Variants in ZFHX3 observed in about 807,000 individuals in gnomAD.
ZFHX3 encodes the protein zinc finger homeobox 3.
ZFHX3 carries 42 observed loss-of-function variants against 279.1 expected under a neutral mutation model. The observed-to-expected ratio is 0.15, with a 90% CI of 0.12 to 0.19. The LOEUF (loss-of-function observed/expected upper bound fraction) is 0.19, where lower values mean the gene tolerates loss of function less well. ZFHX3 is among the 10% of genes least tolerant of loss of function. ZFHX3 has a pLI of 1.00. For synonymous variants in ZFHX3, 2,293 were observed against 1,957.8 expected (o/e 1.17, Z -4.52); for missense variants, 4,981 against 4,754.0 (o/e 1.05, Z -1.40).
intron 1 of ZFHX3, among the ~76,000 whole-genome samples, chr16:73,687,867 A>T (rs908701585): frequency 6.6e-6 from 1 of 151,120 alleles, no homozygotes; most frequent in Non-Finnish European, 1.5e-5. Context: ...AAAAAAAAAA[A>T]AACAGATTTA....
rs116791584 is a variant in ZFHX3, at chr16:72,860,292, G to A, written c.3448+29439C>T. Among the ~76,000 whole-genome samples, 316 of 152,200 alleles carry A rather than the reference G, an allele frequency of 2.1e-3. 2 individuals carry two copies. The highest frequency in any genetic ancestry group is 7.3e-3 in the African/African-American group (302 of 41,524). ...CTGTTCCATCAGGCCTCGGTGGAAC[G>A]GCTCTGTTTTCCCCCAGGAAGCTCC... is the stretch of plus-strand genomic sequence containing the variant. On this transcript the variant is annotated intron_variant, in intron 4 of 9. Coordinates refer to ENST00000268489, the MANE Select transcript of ZFHX3 (RefSeq NM_006885.4).
intron 3 of ZFHX3, among the ~76,000 whole-genome samples, chr16:72,911,866 A>G (rs1191674852): frequency 6.6e-6 from 1 of 152,172 alleles, no homozygotes; most frequent in Non-Finnish European, 1.5e-5. Context: ...TAGAAAGCAG[A>G]GGGCAGGGGG....
intron 2 of ZFHX3, among the ~76,000 whole-genome samples, chr16:73,467,577 C>A (rs2143594734): frequency 6.6e-6 from 1 of 152,258 alleles, no homozygotes; most frequent in South Asian, 2.1e-4. Context: ...AACAGATGGG[C>A]AGATTGTGAT....
intron 4 of ZFHX3, among the ~76,000 whole-genome samples, chr16:72,873,946 T>C (rs1243786282): frequency 1.6e-4 from 25 of 152,174 alleles, no homozygotes; most frequent in Admixed American, 1.5e-3. Flanking sequence ...ATGTTTCTAA[T>C]TGCCTTCGTA....
chr16:73,057,554 G>A (rs1196135127), intron 1 of ZFHX3, among the ~76,000 whole-genome samples: 1 of 149,240 alleles, frequency 6.7e-6, no homozygotes, highest in African/African-American at 2.5e-5. Context: ...AAAAAAAGAA[G>A]AAGAAGAAGA....
chr16:73,451,002 G>A (rs533802364), intron 3 of ZFHX3, among the ~76,000 whole-genome samples: 18 of 152,288 alleles, frequency 1.2e-4, no homozygotes, highest in South Asian at 6.2e-4. Context: ...ATGGGAAGAC[G>A]GATCTTTAAT....
intron 5 of ZFHX3, among the ~76,000 whole-genome samples, chr16:73,214,844 T>A (rs765552174): frequency 7.5e-4 from 22 of 29,380 alleles, no homozygotes; most frequent in Non-Finnish European, 1.6e-3. Flanking sequence ...GCTGAAGGCC[T>A]TTTTTTTTTT....
intron 1 of ZFHX3, among the ~76,000 whole-genome samples, chr16:73,741,177 C>T (rs1001303523): frequency 1.3e-5 from 2 of 151,904 alleles, no homozygotes; most frequent in Non-Finnish European, 2.9e-5. Flanking sequence ...ATTACAGGCG[C>T]CTGCCACGAC....
intron 2 of ZFHX3, among the ~76,000 whole-genome samples, chr16:73,553,436 C>G (rs972150833): frequency 2.6e-5 from 4 of 152,114 alleles, no homozygotes; most frequent in Non-Finnish European, 5.9e-5. Flanking sequence ...CCCCACGACA[C>G]CAATGTGTGA....
intron 3 of ZFHX3, among the ~76,000 whole-genome samples, chr16:72,917,805 C>T (rs1302145404): frequency 6.6e-6 from 1 of 152,088 alleles, no homozygotes; most frequent in Non-Finnish European, 1.5e-5. Flanking sequence ...ATTTTTTTTA[C>T]ATACAATAAA....
chr16:73,388,790 G>A (rs892113251), intron 3 of ZFHX3: 1 of 152,246 alleles, frequency 6.6e-6, no homozygotes, highest in Admixed American at 6.5e-5. Flanking sequence ...TTCAGGACAT[G>A]GTTACATTTA....
intron 3 of ZFHX3, among the ~76,000 whole-genome samples, chr16:73,322,801 AT>A (rs1157296485): frequency 6.6e-6 from 1 of 152,266 alleles, no homozygotes; most frequent in African/African-American, 2.4e-5. Context: ...GCTAAGAAGT[AT>A]AAAAAAGAGT....
intron 1 of ZFHX3, among the ~76,000 whole-genome samples, chr16:73,798,313 T>C (rs1046039536): frequency 6.6e-6 from 1 of 151,804 alleles, no homozygotes; most frequent in South Asian, 2.1e-4. Flanking sequence ...GAAGATATTC[T>C]TGGAGAGATG....
intron 1 of ZFHX3, among the ~76,000 whole-genome samples, chr16:72,984,322 A>T (rs1438451680): frequency 2.6e-5 from 4 of 152,186 alleles, no homozygotes; most frequent in African/African-American, 9.7e-5. Flanking sequence ...TTGTGTTCAC[A>T]AACTTGAAAA....
chr16:72,944,898 C>T (rs1039843797), intron 3 of ZFHX3, among the ~76,000 whole-genome samples: 2 of 151,852 alleles, frequency 1.3e-5, no homozygotes, highest in African/African-American at 4.8e-5. Context: ...AATAAAAGTG[C>T]TATGGTTAAT....
intron 1 of ZFHX3, among the ~76,000 whole-genome samples, chr16:73,789,620 T>G (rs1239220860): frequency 6.6e-6 from 1 of 152,208 alleles, no homozygotes; most frequent in Non-Finnish European, 1.5e-5. Context: ...ATTACAGATA[T>G]GTCAAAATCA....
Position 72,793,629 on chromosome 16 carries a change from CTCG to C in ZFHX3, c.9050_9052del (p.Thr3017del). ...GCACTCTGTTTTGGGTCCCTCATAA[CTCG>C]TTTGGTTTATACCAAAATGCTTGGC... On this transcript the variant is annotated inframe_deletion, in exon 9 of 10. Transcript: ENST00000268489. This position sits in a 1 kb window ranked among gnomAD's most constrained non-coding sequence, Gnocchi z 4.3. The C allele has an allele frequency of 6.2e-7, 1 of 1,614,188 alleles. No individual in the cohort carries two copies. The highest frequency in any genetic ancestry group is 1.1e-5 in the South Asian group (1 of 91,082).
At chr16:73,286,820 T>C in intron 4 of ZFHX3, among the ~76,000 whole-genome samples, 1 of 139,386 alleles carries the variant, frequency 7.2e-6, no homozygotes, top group Non-Finnish European at 1.5e-5. Flanking sequence ...TGTGGCTGTG[T>C]GGGTCGGTGT....
chr16:72,955,023 T>C (rs565893122), intron 2 of ZFHX3, among the ~76,000 whole-genome samples: 2 of 152,202 alleles, frequency 1.3e-5, no homozygotes, highest in African/African-American at 2.4e-5. Flanking sequence ...CTGAAAGTTA[T>C]GGCTGTTTTT....
Sources: gnomAD v4.1 joint callset for allele counts (sites outside exome capture counted in the v4.1 genomes callset) on GRCh38, gnomAD v4.1.1 for gene constraint, Gnocchi (gnomAD v3.1) non-coding constraint, MANE v1.5 for transcripts, NCBI Gene and HGNC (gene_info 2026-07-23, HGNC 2026-07-21) for gene names.